Variants in SYNC observed in about 807,000 individuals in gnomAD.
SYNC encodes syncoilin, intermediate filament protein, also known as syncoilin.
SYNC carries 38 observed loss-of-function variants against 49.5 expected under a neutral mutation model. The observed-to-expected ratio is 0.77, with a 90% CI of 0.59 to 1.01. SYNC has a LOEUF of 1.01. Among genes scored for constraint, SYNC ranks in the 50% least tolerant of loss-of-function variants. The probability of loss-of-function intolerance (pLI) is 0.00; values close to 1 mark genes in which losing one functional copy is unlikely to be tolerated. For synonymous variants in SYNC, 201 were observed against 230.8 expected (o/e 0.87, Z 1.17); for missense variants, 579 against 580.6 (o/e 1.00, Z 0.03).
Position 32,681,695 on chromosome 1 carries a change from C to A in SYNC, c.*155G>T. The A allele has an allele frequency of 8.8e-7, 1 of 1,134,288 alleles. No individual in the cohort carries two copies. The highest frequency in any genetic ancestry group is 1.3e-6 in the Non-Finnish European group (1 of 770,676). The allele number at this position is 1,134,288 out of a possible 1,614,324, so 70.3% of individuals were successfully genotyped here. On this transcript the variant is annotated 3_prime_UTR_variant, in exon 5 of 5. Coordinates refer to ENST00000409190, the MANE Select transcript of SYNC (RefSeq NM_030786.3). ...CGGCCAACTCTAGAATCTTTTTAAG[C>A]AGGTCAGCCAGTATTTGCAACTTCC...
chr1:32,699,159 T>TTTC (rs1340283492), intron 1 of SYNC, among the ~76,000 whole-genome samples: 12 of 142,090 alleles, frequency 8.4e-5, no homozygotes, highest in Admixed American at 3.5e-4. Flanking sequence ...TTTTCTTTTT[T>TTTC]TTTTTTTTTT....
At chr1:32,686,478 GGACAAA>G (rs1379611001) in intron 2 of SYNC, among the ~76,000 whole-genome samples, 1 of 152,132 alleles carries the variant, frequency 6.6e-6, no homozygotes, top group Non-Finnish European at 1.5e-5. Flanking sequence ...TTTCTACATA[GGACAAA>G]GACAAAGAAA....
chr1:32,689,236 T>A (rs12744140), intron 2 of SYNC, among the ~76,000 whole-genome samples: 1 of 48,906 alleles, frequency 2.0e-5, no homozygotes, highest in Non-Finnish European at 3.5e-5. Context: ...TCGCCTGGCC[T>A]TTTTTTTTTT....
At chr1:32,684,476 TTAATCTTGATAGCAG>T in intron 2 of SYNC, 94 bp from the exon 3 acceptor site, 2 of 1,560,276 alleles carry the variant, frequency 1.3e-6, no homozygotes, top group Non-Finnish European at 1.7e-6. Context: ...TGTTCATTGT[TTAATCTTGATAGCAG>T]TATTGAGGCT....
intron 2 of SYNC, among the ~76,000 whole-genome samples, chr1:32,687,599 GAGGCAA>G (rs1649918068): frequency 6.6e-6 from 1 of 150,908 alleles, no homozygotes; most frequent in South Asian, 2.1e-4. Context: ...TTGAACCCGG[GAGGCAA>G]AGGTTACAGT....
intron 2 of SYNC, 145 bp downstream of exon 2, chr1:32,694,720 G>T: frequency 1.3e-6 from 1 of 751,722 alleles, no homozygotes; most frequent in Non-Finnish European, 2.2e-6. Flanking sequence ...AATGAATGAA[G>T]AATGGAGAAA....
intron 1 of SYNC, among the ~76,000 whole-genome samples, chr1:32,699,153 C>CTTTTTTTT (rs61577689): frequency 0.01 from 1,046 of 103,556 alleles, 11 homozygotes; most frequent in Middle Eastern, 0.031. Context: ...CTTTTCTTTT[C>CTTTTTTTT]TTTTTTTTTT....
chr1:32,684,169 T>C, intron 3 of SYNC, 80 bp from the exon 4 acceptor site: 1 of 1,606,120 alleles, frequency 6.2e-7, no homozygotes, highest in Non-Finnish European at 8.5e-7. Flanking sequence ...CTCTTTTTGT[T>C]TTTGATTCTA....
chr1:32,687,857 T>TATTATTATTATTATTTC (rs1203070085), intron 2 of SYNC, among the ~76,000 whole-genome samples: 21 of 146,560 alleles, frequency 1.4e-4, no homozygotes, highest in Admixed American at 3.4e-4. Context: ...TTATTATTAT[T>TATTATTATTATTATTTC]ATTATTTTTT....
chr1:32,685,728 C>CGTT (rs1649779854), intron 2 of SYNC: 1 of 152,152 alleles, frequency 6.6e-6, no homozygotes, highest in African/African-American at 2.4e-5. Context: ...CTACCAGACC[C>CGTT]GTTGGTAAGG....
At chr1:32,690,431 G>T (rs950585774) in intron 2 of SYNC, among the ~76,000 whole-genome samples, 4 of 151,930 alleles carry the variant, frequency 2.6e-5, no homozygotes, top group African/African-American at 9.7e-5. Flanking sequence ...TGGATCACGA[G>T]GTCAGGAGTT....
rs1649429195 is a variant in SYNC, at chr1:32,681,431, G to A, written c.*419C>T. 5.6e-6 allele frequency: 1 copy of A among 179,894 alleles called. No homozygotes were observed. Among genetic ancestry groups the A allele is most frequent in the African/African-American group, 2.4e-5 (1 of 42,532 alleles). The allele number at this position is 179,894 out of a possible 1,614,324, so 11.1% of individuals were successfully genotyped here. A position where few individuals can be genotyped will look rare whatever the true frequency, so the allele number is the denominator to read the frequency against. ...TTGTAAACCCATGTAATGGAAATTGGCTATCTTTTTGACCCCACATGTGCC... is the reference window on the plus strand; with the variant it reads ...TTGTAAACCCATGTAATGGAAATTGACTATCTTTTTGACCCCACATGTGCC... On this transcript the variant is annotated 3_prime_UTR_variant, in exon 5 of 5. Coordinates refer to ENST00000409190, the MANE Select transcript of SYNC (RefSeq NM_030786.3).
intron 2 of SYNC, chr1:32,685,072 G>A (rs1174429411): frequency 1.8e-4 from 27 of 152,148 alleles, no homozygotes; most frequent in Admixed American, 1.8e-3. Context: ...GGCTGGTCTT[G>A]TTCCTGGGCT....
chr1:32,698,579 T>A (rs1442548325), intron 1 of SYNC, among the ~76,000 whole-genome samples: 8 of 152,128 alleles, frequency 5.3e-5, no homozygotes, highest in Non-Finnish European at 1.5e-5. Flanking sequence ...CTGTAAAAGT[T>A]CATCTTGTTA....
In SYNC at chr1:32,701,320, T is replaced by TCAGGGCACTCTGTATG. The variant is rs1650661086; in HGVS notation, c.53+1272_53+1287dup. On this transcript the variant is annotated intron_variant, in intron 1 of 4. Coordinates refer to ENST00000409190, the MANE Select transcript of SYNC (RefSeq NM_030786.3). ...CTCCCAGACAGCCCCATGTGTGTTC[T>TCAGGGCACTCTGTATG]CAGGGCACTCTGTATGCAGCACATC... 3.9e-5 allele frequency among the ~76,000 whole-genome samples: 6 copies of TCAGGGCACTCTGTATG among 152,346 alleles called. No homozygotes were observed. The South Asian group carries it at 1.2e-3, about 32-fold the overall frequency.
At chr1:32,694,792 A>G in intron 2 of SYNC, 73 bp downstream of exon 2, 1 of 1,421,824 alleles carries the variant, frequency 7.0e-7, no homozygotes, top group South Asian at 1.5e-5. Context: ...TTTCAGCCCC[A>G]AAGACCTTGG....
intron 1 of SYNC, among the ~76,000 whole-genome samples, chr1:32,698,819 C>T (rs1216973570): frequency 1.4e-5 from 2 of 147,600 alleles, no homozygotes; most frequent in East Asian, 2.0e-4. Context: ...CTCCCTCTGT[C>T]GCCCAGGCCT....
chr1:32,684,677 T>C, intron 2 of SYNC: 1 of 307,330 alleles, frequency 3.3e-6, no homozygotes, highest in East Asian at 7.0e-5. Context: ...TTAGTGTCAT[T>C]GAGGAGGATT....
intron 4 of SYNC, chr1:32,682,816 A>C (rs1195535996): frequency 6.6e-6 from 1 of 152,160 alleles, no homozygotes; most frequent in African/African-American, 2.4e-5. Context: ...GGAAATGAAT[A>C]AAATTTATAG....
Sources: gnomAD v4.1 joint callset for allele counts (sites outside exome capture counted in the v4.1 genomes callset) on GRCh38, gnomAD v4.1.1 for gene constraint, MANE v1.5 for transcripts, NCBI Gene and HGNC (gene_info 2026-07-23, HGNC 2026-07-21) for gene names.